GNAL: variants seen among roughly 807,000 people sequenced by gnomAD.
The protein encoded by GNAL is G protein subunit alpha L, also known as guanine nucleotide-binding protein G(olf) subunit alpha.
Under a neutral mutation model 55.1 loss-of-function variants are expected in GNAL, and 18 were observed. The ratio of observed to expected loss-of-function variants is 0.33; its 90% confidence interval spans 0.23 to 0.48. GNAL has a LOEUF of 0.48. Among genes scored for constraint, GNAL ranks in the 20% least tolerant of loss-of-function variants. The pLI, the probability that GNAL is intolerant of heterozygous loss-of-function variation, is 0.99. For synonymous variants in GNAL, 253 were observed against 237.0 expected, an observed-to-expected ratio of 1.07 and a Z score of -0.62; for missense variants, 412 against 614.1, an observed-to-expected ratio of 0.67 and a Z score of 3.48.
At chr18:11,779,091 G>A (rs2033860980) in intron 4 of GNAL, among the ~76,000 whole-genome samples, 1 of 152,184 alleles carries the variant, frequency 6.6e-6, no homozygotes, top group Non-Finnish European at 1.5e-5. Flanking sequence ...GCACGTAGAG[G>A]TGAGGAAGGG....
chr18:11,808,095 G>A (rs1287256184), intron 4 of GNAL, among the ~76,000 whole-genome samples: 3 of 151,166 alleles, frequency 2.0e-5, no homozygotes, highest in African/African-American at 7.3e-5. Flanking sequence ...CCCATTCCAG[G>A]ACCATGATAA....
intron 1 of GNAL, among the ~76,000 whole-genome samples, chr18:11,691,161 G>A (rs2031235822): frequency 6.6e-6 from 1 of 151,920 alleles, no homozygotes; most frequent in African/African-American, 2.4e-5. Context: ...TCTAACTGGT[G>A]TGAGATGGTA....
At chr18:11,772,909 C>A (rs1057059249) in intron 4 of GNAL, among the ~76,000 whole-genome samples, 2 of 152,222 alleles carry the variant, frequency 1.3e-5, no homozygotes, top group Admixed American at 6.5e-5. Flanking sequence ...CAGTCCCTTA[C>A]ATCCCTGTCC....
intron 7 of GNAL, among the ~76,000 whole-genome samples, chr18:11,865,440 C>T (rs928377596): frequency 8.0e-5 from 12 of 149,134 alleles, no homozygotes; most frequent in African/African-American, 2.8e-4. Context: ...GCTAAGCAAA[C>T]CCCACAAATC....
At chr18:11,876,308 C>A (rs1317337449) in intron 10 of GNAL, among the ~76,000 whole-genome samples, 1 of 152,092 alleles carries the variant, frequency 6.6e-6, no homozygotes, top group African/African-American at 2.4e-5. Context: ...CCTGTCTCTA[C>A]AAAAATTAGC....
chr18:11,702,056 A>G (rs945439111), intron 1 of GNAL: 2 of 152,278 alleles, frequency 1.3e-5, no homozygotes, highest in East Asian at 1.9e-4. Context: ...GCAGAGCAGC[A>G]TTTGTGTTTT....
chr18:11,875,902 C>G (rs1033925990), intron 10 of GNAL, among the ~76,000 whole-genome samples: 2 of 152,170 alleles, frequency 1.3e-5, no homozygotes, highest in African/African-American at 2.4e-5. Flanking sequence ...GTAAGGGTTT[C>G]TCTGCTTCAT....
chr18:11,869,670 T>C (rs1016150098), intron 9 of GNAL, among the ~76,000 whole-genome samples: 2 of 152,132 alleles, frequency 1.3e-5, no homozygotes, highest in Non-Finnish European at 2.9e-5. Context: ...CCCAGCACTT[T>C]GGGAGGCTGA....
chr18:11,793,272 C>T (rs1185386684), intron 4 of GNAL, among the ~76,000 whole-genome samples: 1 of 152,120 alleles, frequency 6.6e-6, no homozygotes, highest in Non-Finnish European at 1.5e-5. Flanking sequence ...GGTCTAGTAA[C>T]CAGAATATAT....
chr18:11,748,154 T>A (rs2032732973), intron 1 of GNAL, among the ~76,000 whole-genome samples: 1 of 152,346 alleles, frequency 6.6e-6, no homozygotes, highest in Admixed American at 6.5e-5. Context: ...GTGTGTTGAA[T>A]TCCTACCTGA....
In GNAL at chr18:11,695,930, A is replaced by G. The variant is rs8095152; in HGVS notation, c.376+5991A>G. On this transcript the variant is annotated intron_variant, in intron 1 of 11. Transcript: ENST00000334049. ...GACATGCATGCACGCATGCACACAC[A>G]CACACACACACACACACACACAAAG... 1.1e-3 allele frequency among the ~76,000 whole-genome samples: 151 copies of G among 132,782 alleles called. 1 individual carries two copies. The highest frequency in any genetic ancestry group is 3.0e-3 in the African/African-American group (105 of 34,462). The allele number at this position is 132,782 out of a possible 152,430, so 87.1% of individuals were successfully genotyped here.
Position 11,752,732 on chromosome 18 carries a change from A to G in GNAL, c.377-121A>G. The G allele has an allele frequency of 8.5e-7, 1 of 1,170,746 alleles. No homozygotes were observed. The highest frequency in any genetic ancestry group is 2.5e-5 in the East Asian group (1 of 39,286). The allele number at this position is 1,170,746 out of a possible 1,614,324, so 72.5% of individuals were successfully genotyped here. A position where few individuals can be genotyped will look rare whatever the true frequency, so the allele number is the denominator to read the frequency against. ...GCGGCCGGGGCGAGCTCCTCCAGCC[A>G]GGAACCCGCGTGTAGGAAATCCCCG... On this transcript the variant is annotated intron_variant, in intron 1 of 11. Coordinates refer to ENST00000334049, the MANE Select transcript of GNAL (RefSeq NM_182978.4). This position sits in a 1 kb window ranked among gnomAD's most constrained non-coding sequence, Gnocchi z 4.5.
Position 11,727,092 on chromosome 18 carries a change from T to G in GNAL, c.377-25761T>G, listed in dbSNP as rs576243770. On this transcript the variant is annotated intron_variant, in intron 1 of 11. Coordinates refer to ENST00000334049, the MANE Select transcript of GNAL (RefSeq NM_182978.4). ...GTCCGCGCTGGGTGCCCCTCCCTCCTTGCTGTTCAGTGTGGGCCCTTCCCT... is the reference window on the plus strand; with the variant it reads ...GTCCGCGCTGGGTGCCCCTCCCTCCGTGCTGTTCAGTGTGGGCCCTTCCCT... Among the ~76,000 whole-genome samples, 218 of 152,240 alleles carry G rather than the reference T, an allele frequency of 1.4e-3. 1 individual carries two copies. Among genetic ancestry groups the G allele is most frequent in the African/African-American group, 5.1e-3 (210 of 41,550 alleles).
At chr18:11,748,546 C>T (rs750919458) in intron 1 of GNAL, among the ~76,000 whole-genome samples, 1 of 152,130 alleles carries the variant, frequency 6.6e-6, no homozygotes, top group African/African-American at 2.4e-5. Flanking sequence ...CATCTGTTTA[C>T]CTAATCCTTC....
chr18:11,816,792 C>T lies in GNAL; in HGVS notation c.625-8126C>T, dbSNP rs76694181. Among the ~76,000 whole-genome samples, 64 of 144,376 alleles carry T rather than the reference C, an allele frequency of 4.4e-4. No homozygotes were observed. In the East Asian group the frequency reaches 0.012, roughly 26 times the overall value. 94.7% of individuals were successfully genotyped at this position (144,376 alleles called of 152,430 possible). Reference sequence around the variant, plus strand: ...TCGTGCCACTGCACTCCAACCTGGGCGACAGAGTGAGACGCTGTCTCGAAA... The same window carrying T: ...TCGTGCCACTGCACTCCAACCTGGGTGACAGAGTGAGACGCTGTCTCGAAA... On this transcript the variant is annotated intron_variant, in intron 4 of 11. Coordinates refer to ENST00000334049, the MANE Select transcript of GNAL (RefSeq NM_182978.4).
At chr18:11,705,799 A>G (rs1429541775) in intron 1 of GNAL, among the ~76,000 whole-genome samples, 1 of 133,158 alleles carries the variant, frequency 7.5e-6, no homozygotes, top group African/African-American at 2.9e-5. Flanking sequence ...TCTGTCACCC[A>G]GGCTGGATTG....
intron 5 of GNAL, among the ~76,000 whole-genome samples, chr18:11,836,396 A>G (rs1447432468): frequency 1.3e-5 from 2 of 151,690 alleles, no homozygotes; most frequent in African/African-American, 2.4e-5. Flanking sequence ...TGGTGAGCCG[A>G]GATCACACCA....
intron 4 of GNAL, among the ~76,000 whole-genome samples, chr18:11,790,328 C>A (rs1238124916): frequency 2.0e-5 from 3 of 151,780 alleles, no homozygotes; most frequent in African/African-American, 7.3e-5. Context: ...TTCCGACACT[C>A]TGAGGAAGAA....
At chr18:11,828,734 T>C (rs2035310243) in intron 5 of GNAL, among the ~76,000 whole-genome samples, 1 of 152,052 alleles carries the variant, frequency 6.6e-6, no homozygotes, top group Admixed American at 6.6e-5. Flanking sequence ...TAAAATAGAA[T>C]ATGTGAAAAT....
Sources: allele counts gnomAD v4.1 joint callset (sites outside exome capture counted in the v4.1 genomes callset), GRCh38; gene constraint gnomAD v4.1.1; non-coding constraint Gnocchi (gnomAD v3.1); transcripts MANE v1.5; gene names NCBI Gene and HGNC (gene_info 2026-07-23, HGNC 2026-07-21).